Variants in ZNF431 observed in about 807,000 individuals in gnomAD.
ZNF431 encodes the protein zinc finger protein 431.
In ZNF431, 34 loss-of-function variants were observed where a neutral mutation model predicts 57.0. The ratio of observed to expected loss-of-function variants is 0.60; its 90% CI spans 0.45 to 0.79. ZNF431 has a LOEUF of 0.79. Among genes scored for constraint, ZNF431 ranks in the 30% least tolerant of loss-of-function variants. The pLI, the probability that ZNF431 is intolerant of heterozygous loss-of-function variation, is 0.00. For synonymous variants in ZNF431, 207 were observed against 220.3 expected (o/e 0.94, Z 0.54); for missense variants, 607 against 667.1 (o/e 0.91, Z 0.99).
At chr19:21,165,704 A>G (rs1732448159) in intron 2 of ZNF431, among the ~76,000 whole-genome samples, 1 of 151,756 alleles carries the variant, frequency 6.6e-6, no homozygotes, top group African/African-American at 2.4e-5. Context: ...CTTTTTTCTT[A>G]GGTTTTTTTG....
chr19:21,181,537 T>G (rs1338278732), intron 4 of ZNF431, among the ~76,000 whole-genome samples: 25 of 152,144 alleles, frequency 1.6e-4, no homozygotes, highest in Admixed American at 1.6e-3. Context: ...CTTTCGAAAT[T>G]GTGCTTATAT....
At chr19:21,168,840 T>C (rs921047834) in intron 4 of ZNF431, among the ~76,000 whole-genome samples, 5 of 152,188 alleles carry the variant, frequency 3.3e-5, no homozygotes, top group Non-Finnish European at 7.3e-5. Flanking sequence ...TTTAAGTGTA[T>C]GGAACCATAA....
At chr19:21,164,835 G>T (rs1970673278) in intron 2 of ZNF431, among the ~76,000 whole-genome samples, 1 of 151,980 alleles carries the variant, frequency 6.6e-6, no homozygotes, top group African/African-American at 2.4e-5. Flanking sequence ...TTCTGGCTGG[G>T]CGCGGTGGCT....
intron 4 of ZNF431, among the ~76,000 whole-genome samples, chr19:21,177,905 A>G (rs1288211621): frequency 6.6e-6 from 1 of 151,972 alleles, no homozygotes; most frequent in Non-Finnish European, 1.5e-5. Flanking sequence ...TCAGAATAGC[A>G]TGGAATCTAT....
Position 21,190,750 on chromosome 19 carries a change from C to G in ZNF431, c.*6716C>G, listed in dbSNP as rs1206496814. 6.6e-6 allele frequency: 1 copy of G among 150,766 alleles called. No homozygotes were observed. Among genetic ancestry groups the G allele is most frequent in the Non-Finnish European group, 1.5e-5 (1 of 67,940 alleles). The allele number at this position is 150,766 out of a possible 1,614,324, so 9.3% of individuals were successfully genotyped here. ...CAATCTCGGCTCACTGCAACCCTTG[C>G]CTCCCGGATCAAGTGATTGTCCTGC... On this transcript the variant is annotated 3_prime_UTR_variant, in exon 5 of 5. Transcript: ENST00000311048.
intron 4 of ZNF431, among the ~76,000 whole-genome samples, chr19:21,173,783 T>C (rs906207953): frequency 2.0e-5 from 3 of 152,178 alleles, no homozygotes; most frequent in Non-Finnish European, 2.9e-5. Flanking sequence ...CACCTCGACC[T>C]GCCAAGGTGC....
At chr19:21,158,570 C>G (rs1328287404) in intron 2 of ZNF431, among the ~76,000 whole-genome samples, 1 of 151,858 alleles carries the variant, frequency 6.6e-6, no homozygotes, top group Non-Finnish European at 1.5e-5. Context: ...TAGCTGTATT[C>G]CTAGATATTC....
chr19:21,192,050 C>G lies in ZNF431; in HGVS notation c.*8016C>G, dbSNP rs1019204478. Reference sequence around the variant, plus strand: ...ACTTTTTGGTTAAATTTATTTCAAACTATAGTTATTGTAGATGTAATTGTT... The same window carrying G: ...ACTTTTTGGTTAAATTTATTTCAAAGTATAGTTATTGTAGATGTAATTGTT... On this transcript the variant is annotated 3_prime_UTR_variant, in exon 5 of 5. Coordinates refer to ENST00000311048, the MANE Select transcript of ZNF431 (RefSeq NM_133473.4). 2.0e-5 allele frequency: 3 copies of G among 152,026 alleles called. No individual in the cohort carries two copies. The highest frequency in any genetic ancestry group is 7.2e-5 in the African/African-American group (3 of 41,400). 9.4% of individuals were successfully genotyped at this position (152,026 alleles called of 1,614,324 possible).
chr19:21,153,421 G>C (rs1397613630), intron 2 of ZNF431, among the ~76,000 whole-genome samples: 1 of 152,302 alleles, frequency 6.6e-6, no homozygotes, highest in African/African-American at 2.4e-5. Context: ...CTGGCTATGT[G>C]ATAAATAAGA....
chr19:21,168,138 A>G (rs941019364), intron 4 of ZNF431, among the ~76,000 whole-genome samples: 4 of 152,086 alleles, frequency 2.6e-5, no homozygotes, highest in African/African-American at 9.7e-5. Flanking sequence ...TTGTATTACT[A>G]TAGTCTTAAA....
In ZNF431 at chr19:21,193,868, T is replaced by G. The variant is rs909274466; in HGVS notation, c.*9834T>G. 2.0e-4 allele frequency: 30 copies of G among 152,130 alleles called. 1 individual carries two copies. The highest frequency in any genetic ancestry group is 5.9e-5 in the Non-Finnish European group (4 of 68,012). 9.4% of individuals were successfully genotyped at this position (152,130 alleles called of 1,614,324 possible). ...TATGAAAATATTCTCTAAGCAATGA[T>G]GAAACATACCTCACAATAATAAGAG... On this transcript the variant is annotated 3_prime_UTR_variant, in exon 5 of 5. Coordinates refer to ENST00000311048, the MANE Select transcript of ZNF431 (RefSeq NM_133473.4).
At chr19:21,143,527 C>G in intron 1 of ZNF431, 24 bp from the exon 2 acceptor site, 1 of 1,583,216 alleles carries the variant, frequency 6.3e-7, no homozygotes, top group Non-Finnish European at 8.7e-7. Flanking sequence ...TGAATATCAG[C>G]TTCTGGTTTA....
intron 2 of ZNF431, among the ~76,000 whole-genome samples, chr19:21,144,362 C>T (rs1163533348): frequency 1.3e-5 from 2 of 152,044 alleles, no homozygotes; most frequent in South Asian, 2.1e-4. Flanking sequence ...CCACACCCAG[C>T]TAATTTTTTG....
At chr19:21,158,417 C>A (rs1970482878) in intron 2 of ZNF431, among the ~76,000 whole-genome samples, 2 of 151,908 alleles carry the variant, frequency 1.3e-5, no homozygotes, top group Non-Finnish European at 2.9e-5. Context: ...TCAGGCTGGT[C>A]TCGAACTCCT....
Position 21,188,617 on chromosome 19 carries a change from AT to A in ZNF431, c.*4589del, listed in dbSNP as rs1971434531. The A allele has an allele frequency of 6.6e-6, 1 of 152,074 alleles. No individual in the cohort carries two copies. The highest frequency in any genetic ancestry group is 2.1e-4 in the South Asian group (1 of 4,828). 9.4% of individuals were successfully genotyped at this position (152,074 alleles called of 1,614,324 possible). A position where few individuals can be genotyped will look rare whatever the true frequency, so the allele number is the denominator to read the frequency against. ...TACAATTTGGAGAAATTTTTCACTC[AT>A]TTTTTATATATTTTTTAGTGGGAGA... On this transcript the variant is annotated 3_prime_UTR_variant, in exon 5 of 5. Transcript: ENST00000311048.
intron 2 of ZNF431, among the ~76,000 whole-genome samples, chr19:21,153,493 G>A (rs1246894487): frequency 6.6e-6 from 1 of 152,210 alleles, no homozygotes; most frequent in African/African-American, 2.4e-5. Flanking sequence ...TATTTCTAGA[G>A]AACACAAAGG....
chr19:21,167,709 C>T, intron 4 of ZNF431, 43 bp downstream of exon 4: 1 of 1,402,626 alleles, frequency 7.1e-7, no homozygotes, highest in Non-Finnish European at 9.6e-7. Context: ...GATGAGAGGT[C>T]CAAAGCTTAA....
chr19:21,142,060 C>G lies in ZNF431; in HGVS notation c.-124C>G, dbSNP rs1247205134. 7.6e-7 allele frequency: 1 copy of G among 1,310,212 alleles called. No individual in the cohort carries two copies. The highest frequency in any genetic ancestry group is 1.1e-6 in the Non-Finnish European group (1 of 921,338). The allele number at this position is 1,310,212 out of a possible 1,614,324, so 81.2% of individuals were successfully genotyped here. A position where few individuals can be genotyped will look rare whatever the true frequency, so the allele number is the denominator to read the frequency against. On this transcript the variant is annotated 5_prime_UTR_variant, in exon 1 of 5. Coordinates refer to ENST00000311048, the MANE Select transcript of ZNF431 (RefSeq NM_133473.4). ...CCTTTGTCTCTCGCCGCAGCCTGAG[C>G]TCCAGGTCTCCCCTTCGCTGCTCTG...
At chr19:21,166,289 G>A (rs1568305624) in intron 2 of ZNF431, 46 bp from the exon 3 acceptor site, 1 of 1,588,512 alleles carries the variant, frequency 6.3e-7, no homozygotes, top group Non-Finnish European at 8.5e-7. Flanking sequence ...TTCTGCCCAT[G>A]GCCACTTGGT....
Sources: gnomAD v4.1 joint callset for allele counts (sites outside exome capture counted in the v4.1 genomes callset) on GRCh38, gnomAD v4.1.1 for gene constraint, MANE v1.5 for transcripts, NCBI Gene and HGNC (gene_info 2026-07-23, HGNC 2026-07-21) for gene names.